VAPB: variants seen among roughly 807,000 people sequenced by gnomAD.
VAPB encodes VAMP associated protein B and C.
In VAPB, 7 loss-of-function variants were observed where a neutral mutation model predicts 25.6. The ratio of observed to expected loss-of-function variants is 0.27; its 90% CI spans 0.16 to 0.51. The LOEUF (loss-of-function observed/expected upper bound fraction) is 0.51, where lower values mean the gene tolerates loss of function less well. Ranked by LOEUF, VAPB falls within the 20% of genes least tolerant of loss-of-function variation. VAPB has a pLI of 0.97. For missense variants in VAPB, 266 were observed against 301.3 expected, an observed-to-expected ratio of 0.88 and a Z score of 0.87; for synonymous variants, 112 against 109.2, an observed-to-expected ratio of 1.03 and a Z score of -0.16.
intron 1 of VAPB, among the ~76,000 whole-genome samples, chr20:58,415,526 G>A (rs769511460): frequency 8.5e-5 from 13 of 152,122 alleles, no homozygotes; most frequent in Non-Finnish European, 1.9e-4. Flanking sequence ...GACATTATCT[G>A]AAATAAGGAA....
chr20:58,436,481 G>A (rs946131916), intron 3 of VAPB, among the ~76,000 whole-genome samples: 16 of 151,522 alleles, frequency 1.1e-4, no homozygotes, highest in Admixed American at 3.3e-4. Flanking sequence ...CCACAGGAGC[G>A]CACCACCATG....
In VAPB at chr20:58,449,705, G is replaced by C. The variant is rs1028724699; in HGVS notation, c.*5470G>C. The C allele has an allele frequency of 2.9e-5, 13 of 453,998 alleles. No homozygotes were observed. In the East Asian group the frequency reaches 9.0e-4, roughly 31 times the overall value. The allele number at this position is 453,998 out of a possible 1,614,324, so 28.1% of individuals were successfully genotyped here. ...TTTTAAACCAGGAAACATTGATCCT[G>C]TAACAATGCCCGATTACAATTGCTT... On this transcript the variant is annotated 3_prime_UTR_variant, in exon 6 of 6. Coordinates refer to ENST00000475243, the MANE Select transcript of VAPB (RefSeq NM_004738.5).
Position 58,448,137 on chromosome 20 carries a change from C to G in VAPB, c.*3902C>G, listed in dbSNP as rs777030921. ...TTTGCTGTTGTTGAGAAGGAGTGTT[C>G]TCAAAGATGAGCTGGAATGGAATTG... On this transcript the variant is annotated 3_prime_UTR_variant, in exon 6 of 6. Transcript: ENST00000475243. 2 of 453,922 alleles carry G rather than the reference C, an allele frequency of 4.4e-6. No homozygotes were observed. The highest frequency in any genetic ancestry group is 8.8e-6 in the Non-Finnish European group (2 of 226,770). 28.1% of individuals were successfully genotyped at this position (453,922 alleles called of 1,614,324 possible). A position where few individuals can be genotyped will look rare whatever the true frequency, so the allele number is the denominator to read the frequency against.
At position 58,440,976 on chromosome 20, in the gene VAPB, TC is replaced by T; in HGVS notation, c.467del (p.Ser156PhefsTer2). 1 of 1,614,122 alleles carries T rather than the reference TC, an allele frequency of 6.2e-7. No homozygotes were observed. Among genetic ancestry groups the T allele is most frequent in the Non-Finnish European group, 8.5e-7 (1 of 1,180,006 alleles). On this transcript the variant is annotated frameshift_variant, in exon 5 of 6. Transcript: ENST00000475243. LOFTEE classifies it high-confidence loss of function. ...SKTETPIVSK[S>X]LSSSLDDTEV... Reference sequence around the variant, plus strand: ...GACAGAAACACCAATAGTGTCTAAGTCTCTGAGTTCTTCTTTGGATGACACC... The same window carrying T: ...GACAGAAACACCAATAGTGTCTAAGTTCTGAGTTCTTCTTTGGATGACACC...
chr20:58,409,753 G>T (rs1600785234), intron 1 of VAPB, among the ~76,000 whole-genome samples: 1 of 152,142 alleles, frequency 6.6e-6, no homozygotes, highest in African/African-American at 2.4e-5. Context: ...AACTTATTTG[G>T]TAACATATAT....
chr20:58,389,559 C>T (rs1987733246), intron 1 of VAPB, 42 bp downstream of exon 1: 9 of 1,544,728 alleles, frequency 5.8e-6, no homozygotes, highest in Non-Finnish European at 7.9e-6. Flanking sequence ...GCGGCCTCCG[C>T]CCCAGTGCTG....
chr20:58,399,587 A>G (rs1988045509), intron 1 of VAPB, among the ~76,000 whole-genome samples: 2 of 151,838 alleles, frequency 1.3e-5, no homozygotes, highest in African/African-American at 2.4e-5. Context: ...TTGGTGGTGT[A>G]TGCCTGTAAT....
At chr20:58,417,304 C>G (rs1376759054) in intron 1 of VAPB, among the ~76,000 whole-genome samples, 1 of 152,160 alleles carries the variant, frequency 6.6e-6, no homozygotes, top group Non-Finnish European at 1.5e-5. Flanking sequence ...TAGCCCCTAT[C>G]CCTTGCACAT....
chr20:58,405,266 G>C (rs1311074486), intron 1 of VAPB, among the ~76,000 whole-genome samples: 1 of 152,088 alleles, frequency 6.6e-6, no homozygotes, highest in African/African-American at 2.4e-5. Flanking sequence ...TGGAAGGGCA[G>C]GTGCAAGGTG....
chr20:58,403,001 T>C (rs1203949945), intron 1 of VAPB, among the ~76,000 whole-genome samples: 1 of 151,778 alleles, frequency 6.6e-6, no homozygotes, highest in Non-Finnish European at 1.5e-5. Flanking sequence ...CAAGACTGTA[T>C]CTCAAAAACA....
At chr20:58,423,446 A>AAAAG (rs1568711841) in intron 2 of VAPB, among the ~76,000 whole-genome samples, 31 of 145,418 alleles carry the variant, frequency 2.1e-4, no homozygotes, top group African/African-American at 6.9e-4. Flanking sequence ...AAAAAAAAAA[A>AAAAG]AAAGAAAAGA....
intron 2 of VAPB, among the ~76,000 whole-genome samples, chr20:58,427,480 T>C (rs1212079511): frequency 6.6e-6 from 1 of 152,186 alleles, no homozygotes; most frequent in Non-Finnish European, 1.5e-5. Context: ...GTGAAAGTGA[T>C]CCGTGATCTG....
Position 58,445,252 on chromosome 20 carries a change from T to C in VAPB, c.*1017T>C, listed in dbSNP as rs999587372. 1 of 454,276 alleles carries C rather than the reference T, an allele frequency of 2.2e-6. No individual in the cohort carries two copies. The highest frequency in any genetic ancestry group is 4.4e-6 in the Non-Finnish European group (1 of 226,786). The allele number at this position is 454,276 out of a possible 1,614,324, so 28.1% of individuals were successfully genotyped here. ...TAGTCAGTCTTCTAGATTGTTCTTATACCACCTCTCAACCATTACTCACAC... is the reference window on the plus strand; with the variant it reads ...TAGTCAGTCTTCTAGATTGTTCTTACACCACCTCTCAACCATTACTCACAC... On this transcript the variant is annotated 3_prime_UTR_variant, in exon 6 of 6. Transcript: ENST00000475243.
chr20:58,416,009 T>C (rs1394745310), intron 1 of VAPB, among the ~76,000 whole-genome samples: 3 of 152,224 alleles, frequency 2.0e-5, no homozygotes, highest in Admixed American at 6.5e-5. Context: ...GGGACTTTGT[T>C]ATTTTACCAG....
Position 58,437,280 on chromosome 20 carries a change from C to CT in VAPB, c.316-1654dup, listed in dbSNP as rs879755519. The stretch of plus-strand genomic sequence containing the variant: ...TGCACCCTGCCCAAACTTTGAACTT[C>CT]TTTTTTTTTTTAAGAGTCCAGGCCA... On this transcript the variant is annotated intron_variant, in intron 3 of 5. Transcript: ENST00000475243. Among the ~76,000 whole-genome samples the CT allele has an allele frequency of 9.3e-3, 1,361 of 145,932 alleles. 11 individuals carry two copies. The highest frequency in any genetic ancestry group is 0.019 in the African/African-American group (748 of 39,944).
chr20:58,448,155 T>C lies in VAPB; in HGVS notation c.*3920T>C. 1 of 454,086 alleles carries C rather than the reference T, an allele frequency of 2.2e-6. No individual in the cohort carries two copies. Among genetic ancestry groups the C allele is most frequent in the Non-Finnish European group, 4.4e-6 (1 of 226,788 alleles). The allele number at this position is 454,086 out of a possible 1,614,324, so 28.1% of individuals were successfully genotyped here. On this transcript the variant is annotated 3_prime_UTR_variant, in exon 6 of 6. Transcript: ENST00000475243. ...GAGTGTTCTCAAAGATGAGCTGGAA[T>C]GGAATTGTATTTAGAAAGGCCCCTG... is the stretch of plus-strand genomic sequence containing the variant.
At chr20:58,428,421 C>T (rs1167184456) in intron 2 of VAPB, among the ~76,000 whole-genome samples, 3 of 152,182 alleles carry the variant, frequency 2.0e-5, no homozygotes, top group Non-Finnish European at 4.4e-5. Context: ...ACCAGAGATA[C>T]TGGTGAATAC....
At chr20:58,410,128 C>T (rs948046640) in intron 1 of VAPB, among the ~76,000 whole-genome samples, 1 of 152,086 alleles carries the variant, frequency 6.6e-6, no homozygotes, top group Non-Finnish European at 1.5e-5. Context: ...TCTCTTGTAA[C>T]TCCTACCCCA....
chr20:58,393,541 C>A (rs1032654631), intron 1 of VAPB, among the ~76,000 whole-genome samples: 4 of 152,160 alleles, frequency 2.6e-5, no homozygotes, highest in Non-Finnish European at 4.4e-5. Flanking sequence ...ACTCTTCTTT[C>A]ATTCCCTTCT....
Sources: gnomAD v4.1 joint callset for allele counts (sites outside exome capture counted in the v4.1 genomes callset) on GRCh38, gnomAD v4.1.1 for gene constraint, MANE v1.5 for transcripts, NCBI Gene and HGNC (gene_info 2026-07-23, HGNC 2026-07-21) for gene names.